The following DCAF8L2 variants were observed in gnomAD, a reference collection of about 807,000 sequenced individuals.
The protein encoded by DCAF8L2 is DDB1 and CUL4 associated factor 8 like 2.
For synonymous variants in DCAF8L2, 200 were observed against 190.9 expected, an observed-to-expected ratio of 1.05 and a Z score of -0.39; for missense variants, 430 against 490.7, an observed-to-expected ratio of 0.88 and a Z score of 1.17.
chrX:27,547,845 T>TTCTCTCTCTCTCTCTCTCTCTC, the DCAF8L2 span, among the ~76,000 whole-genome samples: 2 of 46,288 alleles, frequency 4.3e-5, no homozygotes, highest in Non-Finnish European at 8.7e-5. Context: ...CTCTCTCTCT[T>TTCTCTCTCTCTCTCTCTCTCTC]TCTCTCTCTC....
At chrX:27,723,518 C>A (rs948052011) in intron 4 of DCAF8L2, among the ~76,000 whole-genome samples, 1 of 111,345 alleles carries the variant, frequency 9.0e-6, no homozygotes, top group East Asian at 2.8e-4. Context: ...TGCAAACACA[C>A]TCTATAGAGA....
intron 1 of DCAF8L2, among the ~76,000 whole-genome samples, chrX:27,613,663 G>C (rs1302023284): frequency 9.0e-6 from 1 of 111,309 alleles, no homozygotes; most frequent in Non-Finnish European, 1.9e-5. Context: ...TAGCATGAAG[G>C]GCTGTTGAAT....
the DCAF8L2 span, among the ~76,000 whole-genome samples, chrX:27,511,454 A>G: frequency 8.9e-6 from 1 of 112,010 alleles, no homozygotes; most frequent in African/African-American, 3.2e-5. Context: ...AATCTTAGTT[A>G]TCACTTATGA....
At position 27,601,926 on chromosome X, in the gene DCAF8L2, G is replaced by A. The variant is rs949929611; in HGVS notation, c.-342+11486G>A. 5.4e-5 allele frequency among the ~76,000 whole-genome samples: 6 copies of A among 111,335 alleles called. No individual in the cohort carries two copies. In the East Asian group the frequency reaches 1.7e-3, roughly 31 times the overall value. On this transcript the variant is annotated intron_variant, in intron 1 of 4. Transcript: ENST00000451261. ...CAGCAAAGAAACTGCAGTTCAGGAA[G>A]GGAGAAATTTATTTTTTCTAATGTT...
chrX:27,576,031 G>C, the DCAF8L2 span, among the ~76,000 whole-genome samples: 6 of 112,092 alleles, frequency 5.4e-5, no homozygotes, highest in Admixed American at 1.9e-4. Flanking sequence ...ATTGCCACAA[G>C]CACAGCAACA....
chrX:27,576,261 G>T, the DCAF8L2 span, among the ~76,000 whole-genome samples: 1 of 112,044 alleles, frequency 8.9e-6, no homozygotes, highest in African/African-American at 3.2e-5. Flanking sequence ...GGTACCAATA[G>T]TAGAAGGTAC....
intron 4 of DCAF8L2, among the ~76,000 whole-genome samples, chrX:27,736,677 C>A (rs1471174121): frequency 8.9e-6 from 1 of 111,985 alleles, no homozygotes; most frequent in Non-Finnish European, 1.9e-5. Flanking sequence ...ATCAGGTAAT[C>A]CCTTGCCTAA....
chrX:27,493,187 G>C, the DCAF8L2 span, among the ~76,000 whole-genome samples: 3 of 111,755 alleles, frequency 2.7e-5, no homozygotes, highest in African/African-American at 9.7e-5. Flanking sequence ...GCTGCAGTGA[G>C]TTGTGATCAC....
At chrX:27,636,594 A>G (rs1440078950) in intron 2 of DCAF8L2, among the ~76,000 whole-genome samples, 1 of 111,507 alleles carries the variant, frequency 9.0e-6, no homozygotes, top group Non-Finnish European at 1.9e-5. Flanking sequence ...AGATATAGAG[A>G]GCCAGGTATA....
intron 3 of DCAF8L2, among the ~76,000 whole-genome samples, chrX:27,689,613 G>T (rs1208008478): frequency 8.9e-6 from 1 of 112,637 alleles, no homozygotes; most frequent in African/African-American, 3.2e-5. Context: ...TTGAAAGATG[G>T]TTGTATAAAT....
chrX:27,523,024 T>A, the DCAF8L2 span, among the ~76,000 whole-genome samples: 1 of 112,075 alleles, frequency 8.9e-6, no homozygotes, highest in South Asian at 3.7e-4. Context: ...TAAGAAAATT[T>A]CAAAGAAAAA....
At chrX:27,725,858 A>G (rs1932053495) in intron 4 of DCAF8L2, among the ~76,000 whole-genome samples, 1 of 110,952 alleles carries the variant, frequency 9.0e-6, no homozygotes, top group Non-Finnish European at 1.9e-5. Context: ...AATATATGAA[A>G]TAAATATATC....
At chrX:27,737,549 T>C (rs919405678) in intron 4 of DCAF8L2, among the ~76,000 whole-genome samples, 2 of 111,815 alleles carry the variant, frequency 1.8e-5, no homozygotes, top group Non-Finnish European at 3.8e-5. Flanking sequence ...TTCAGTGTTA[T>C]GCTCAAATAT....
chrX:27,518,634 G>A, the DCAF8L2 span, among the ~76,000 whole-genome samples: 8 of 110,873 alleles, frequency 7.2e-5, no homozygotes, highest in Non-Finnish European at 1.3e-4. Context: ...AGCTACTCAG[G>A]AGGCTTAGGC....
At chrX:27,713,923 A>G (rs1487630715) in intron 3 of DCAF8L2, among the ~76,000 whole-genome samples, 4 of 111,692 alleles carry the variant, frequency 3.6e-5, no homozygotes, top group Non-Finnish European at 5.7e-5. Flanking sequence ...AGAGGATCCA[A>G]TATACAAGTA....
intron 1 of DCAF8L2, among the ~76,000 whole-genome samples, chrX:27,608,709 T>C (rs938186627): frequency 2.7e-5 from 3 of 110,458 alleles, no homozygotes; most frequent in Non-Finnish European, 3.8e-5. Flanking sequence ...TTTTTTTTTT[T>C]CTCTGTGATG....
At chrX:27,641,434 ATTTCT>A (rs1388842301) in intron 2 of DCAF8L2, among the ~76,000 whole-genome samples, 1 of 93,165 alleles carries the variant, frequency 1.1e-5, no homozygotes, top group East Asian at 3.6e-4. Flanking sequence ...AGCCTGCTAT[ATTTCT>A]TTTCTTTTCT....
chrX:27,626,470 C>T (rs1181617297), intron 1 of DCAF8L2, among the ~76,000 whole-genome samples: 2 of 111,233 alleles, frequency 1.8e-5, no homozygotes, highest in African/African-American at 3.3e-5. Flanking sequence ...GGGCATAGCA[C>T]GTGAAAGGAA....
At chrX:27,545,215 C>T in the DCAF8L2 span, among the ~76,000 whole-genome samples, 1 of 111,283 alleles carries the variant, frequency 9.0e-6, no homozygotes, top group African/African-American at 3.3e-5. Context: ...GTCATCATAT[C>T]CCTGCATCAA....
Sources: gnomAD v4.1 joint callset for allele counts (sites outside exome capture counted in the v4.1 genomes callset) on GRCh38, gnomAD v4.1.1 for gene constraint, MANE v1.5 for transcripts, NCBI Gene and HGNC (gene_info 2026-07-23, HGNC 2026-07-21) for gene names.